Variants in MMEL1 observed in about 807,000 individuals in gnomAD.
The protein encoded by MMEL1 is membrane metallo-endopeptidase-like 1.
Under a neutral mutation model 117.1 loss-of-function variants are expected in MMEL1, and 98 were observed. The observed-to-expected ratio is 0.84, with a 90% CI of 0.71 to 0.99. MMEL1 has a LOEUF of 0.99. MMEL1 is among the 50% of genes least tolerant of loss of function. The probability of loss-of-function intolerance (pLI) is 0.00; values close to 1 mark genes in which losing one functional copy is unlikely to be tolerated. For synonymous variants in MMEL1, 390 were observed against 415.1 expected, an observed-to-expected ratio of 0.94 and a Z score of 0.74; for missense variants, 1,014 against 1,049.1, an observed-to-expected ratio of 0.97 and a Z score of 0.46.
intron 21 of MMEL1, among the ~76,000 whole-genome samples, chr1:2,592,440 T>C (rs191966582): frequency 5.1e-5 from 1 of 19,714 alleles, no homozygotes; most frequent in Non-Finnish European, 7.3e-5. Flanking sequence ...TCCCCTGCCA[T>C]GCTGACGCCC....
rs1214155057 is a variant in MMEL1, at chr1:2,595,141, C to T, written c.1584+135G>A. On this transcript the variant is annotated intron_variant, in intron 16 of 23. Transcript: ENST00000378412. This position sits in a 1 kb window ranked among gnomAD's most constrained non-coding sequence, Gnocchi z 4.8. ...ACTGAGGGTAGTGCTGGAGCCACCACCCTAGGGCACGGTGAGGACAGCTGT... is the reference window on the plus strand; with the variant it reads ...ACTGAGGGTAGTGCTGGAGCCACCATCCTAGGGCACGGTGAGGACAGCTGT... 1.2e-6 allele frequency: 1 copy of T among 815,146 alleles called. No homozygotes were observed. The highest frequency in any genetic ancestry group is 2.0e-6 in the Non-Finnish European group (1 of 503,428). 50.5% of individuals were successfully genotyped at this position (815,146 alleles called of 1,614,324 possible).
intron 2 of MMEL1, among the ~76,000 whole-genome samples, chr1:2,624,942 G>A (rs1020452674): frequency 3.9e-5 from 6 of 152,180 alleles, no homozygotes; most frequent in Admixed American, 6.5e-5. Flanking sequence ...GAGAGAGAGC[G>A]CGAAGGGGGA....
At chr1:2,625,897 C>A (rs367946241) in intron 2 of MMEL1, among the ~76,000 whole-genome samples, 4 of 151,952 alleles carry the variant, frequency 2.6e-5, no homozygotes, top group Non-Finnish European at 5.9e-5. Flanking sequence ...CAGCCTGCAC[C>A]GATAGCCTCA....
Position 2,593,860 on chromosome 1 carries a change from A to G in MMEL1, c.1821T>C (p.Ile607=), listed in dbSNP as rs1490132097. 6.2e-7 allele frequency: 1 copy of G among 1,612,452 alleles called. No individual in the cohort carries two copies. The highest frequency in any genetic ancestry group is 8.5e-7 in the Non-Finnish European group (1 of 1,179,206). ...EQPQALNFGG[I]GMVIGHEITH... ...TGATCTCGTGCCCGATCACCATCCC[A>G]ATGCCTCCAAAGTTCAAGGCCTGTG... The change falls in exon 19 of 24, where the codon ATT becomes ATC. Residue 607 remains isoleucine, a synonymous_variant. Transcript: ENST00000378412.
At chr1:2,596,478 C>A in intron 14 of MMEL1, 83 bp downstream of exon 14, 3 of 1,537,936 alleles carry the variant, frequency 2.0e-6, no homozygotes, top group Admixed American at 3.6e-5. Flanking sequence ...TGAGCCTGGG[C>A]GGGGTGGGAG....
rs764345577 is a variant in MMEL1 at position 2,592,851 on chromosome 1, G to A, written c.1983C>T (p.Asp661=). The stretch of plus-strand genomic sequence containing the variant: ...CGCTCACGTTCTGTTCGTCTGCCAG[G>A]TCCCAGGAGTAGTTGCCGTACTGGT... ...MIYQYGNYSW[D]LADEQNVNGF... Residue 661 remains aspartate (D), a synonymous_variant, in exon 20 of 24, where the codon GAC becomes GAT. Transcript: ENST00000378412. 1.9e-6 allele frequency: 3 copies of A among 1,613,700 alleles called. No individual in the cohort carries two copies. Among genetic ancestry groups the A allele is most frequent in the South Asian group, 2.2e-5 (2 of 91,070 alleles).
chr1:2,622,883 CAAAAA>C lies in MMEL1; in HGVS notation c.154+6443_154+6447del, dbSNP rs60522932. The stretch of plus-strand genomic sequence containing the variant: ...TGGGTGAAAGAGTGAAACTCTGTCT[CAAAAA>C]AAAAAAAAAAAAAAAGTCCAGGAGC... On this transcript the variant is annotated intron_variant, in intron 2 of 23. Coordinates refer to ENST00000378412, the MANE Select transcript of MMEL1 (RefSeq NM_033467.4). Among the ~76,000 whole-genome samples, 983 of 104,038 alleles carry C rather than the reference CAAAAA, an allele frequency of 9.4e-3. 17 individuals carry two copies. The highest frequency in any genetic ancestry group is 0.028 in the African/African-American group (850 of 30,810). 68.3% of individuals were successfully genotyped at this position (104,038 alleles called of 152,430 possible).
intron 4 of MMEL1, 32 bp from the exon 5 acceptor site, chr1:2,609,863 G>A (rs1183239243): frequency 5.7e-6 from 9 of 1,580,368 alleles, no homozygotes; most frequent in Non-Finnish European, 7.7e-6. Flanking sequence ...AGCAGGGAGA[G>A]GGGAGACAGA....
rs1177985087 is a variant in MMEL1 at position 2,612,077 on chromosome 1, G to T, written c.232+50C>A. 2 of 1,484,990 alleles carry T rather than the reference G, an allele frequency of 1.3e-6. No homozygotes were observed. Among genetic ancestry groups the T allele is most frequent in the Non-Finnish European group, 1.8e-6 (2 of 1,084,978 alleles). The allele number at this position is 1,484,990 out of a possible 1,614,324, so 92.0% of individuals were successfully genotyped here. Reference sequence around the variant, plus strand: ...CCACGGAGTCCCCCCACCTTGGGAGGCCAGCGCCCACCTGCCTGGGGCTGT... The same window carrying T: ...CCACGGAGTCCCCCCACCTTGGGAGTCCAGCGCCCACCTGCCTGGGGCTGT... On this transcript the variant is annotated intron_variant, in intron 3 of 23. Transcript: ENST00000378412. This position sits in a 1 kb window ranked among gnomAD's most constrained non-coding sequence, Gnocchi z 5.4.
At chr1:2,604,653 G>C (rs938271749) in intron 9 of MMEL1, among the ~76,000 whole-genome samples, 4 of 152,032 alleles carry the variant, frequency 2.6e-5, no homozygotes, top group African/African-American at 9.7e-5. Flanking sequence ...GGGTGCCGGG[G>C]TGGTGGGTGC....
intron 2 of MMEL1, among the ~76,000 whole-genome samples, chr1:2,626,201 T>A (rs183388227): frequency 1.4e-4 from 22 of 152,290 alleles, no homozygotes; most frequent in African/African-American, 5.3e-4. Context: ...GTCAGGGACT[T>A]GGAAGAAGTA....
intron 11 of MMEL1, among the ~76,000 whole-genome samples, chr1:2,601,906 G>A (rs1000797376): frequency 6.6e-6 from 1 of 152,260 alleles, no homozygotes; most frequent in African/African-American, 2.4e-5. Context: ...CACGGGCGAG[G>A]GTGTGGCACC....
chr1:2,611,401 T>A (rs1645126599), intron 3 of MMEL1, 61 bp from the exon 4 acceptor site: 7 of 835,628 alleles, frequency 8.4e-6, no homozygotes, highest in Non-Finnish European at 9.9e-6. Context: ...AGGACTGGAG[T>A]GGGTGTGGGC....
chr1:2,592,902 G>A lies in MMEL1; in HGVS notation c.1932C>T (p.Phe644=). ...DWWSNFSTQH[F]REQSECMIYQ... ...AGATCATGCACTCTGACTGCTCCCG[G>A]AAGTGCTGGGTGGAGAAGTTACTCC... The change falls in exon 20 of 24, where the codon TTC becomes TTT. Residue 644 remains phenylalanine, a synonymous_variant. Coordinates refer to ENST00000378412, the MANE Select transcript of MMEL1 (RefSeq NM_033467.4). 6.2e-7 allele frequency: 1 copy of A among 1,613,850 alleles called. No individual in the cohort carries two copies. Among genetic ancestry groups the A allele is most frequent in the South Asian group, 1.1e-5 (1 of 91,076 alleles).
chr1:2,593,249 T>C (rs909176526), intron 19 of MMEL1, among the ~76,000 whole-genome samples: 1 of 152,192 alleles, frequency 6.6e-6, no homozygotes, highest in Admixed American at 6.5e-5. Flanking sequence ...GGAGGCATCA[T>C]GGTTTAAGGG....
chr1:2,602,554 G>A (rs1030242040), intron 11 of MMEL1, among the ~76,000 whole-genome samples: 3 of 152,158 alleles, frequency 2.0e-5, no homozygotes, highest in Admixed American at 6.5e-5. Context: ...CCCGGGCTAC[G>A]TGGCAGCCTC....
intron 2 of MMEL1, among the ~76,000 whole-genome samples, chr1:2,623,294 T>C (rs1206089316): frequency 6.6e-6 from 1 of 152,232 alleles, no homozygotes; most frequent in Non-Finnish European, 1.5e-5. Context: ...ATTACTTTAA[T>C]ATTTAAGTTA....
intron 2 of MMEL1, among the ~76,000 whole-genome samples, chr1:2,624,065 G>A (rs1424141633): frequency 6.6e-6 from 1 of 152,180 alleles, no homozygotes; most frequent in Non-Finnish European, 1.5e-5. Context: ...GATGCCAAGA[G>A]GTGCATCCCC....
intron 2 of MMEL1, among the ~76,000 whole-genome samples, chr1:2,624,131 GC>G (rs1645333130): frequency 6.6e-6 from 1 of 152,180 alleles, no homozygotes; most frequent in South Asian, 2.1e-4. Context: ...ACACCAGAGA[GC>G]CCCCACCTCC....
Sources: gnomAD v4.1 joint callset for allele counts (sites outside exome capture counted in the v4.1 genomes callset) on GRCh38, gnomAD v4.1.1 for gene constraint, Gnocchi (gnomAD v3.1) non-coding constraint, MANE v1.5 for transcripts, NCBI Gene and HGNC (gene_info 2026-07-23, HGNC 2026-07-21) for gene names.